NRCAM: variants seen among roughly 807,000 people sequenced by gnomAD.
The protein encoded by NRCAM is NgCAM-related cell adhesion molecule.
Under a neutral mutation model 156.5 loss-of-function variants are expected in NRCAM, and 83 were observed. The observed-to-expected ratio is 0.53, with a 90% CI of 0.44 to 0.64. The LOEUF is 0.64. NRCAM is among the 30% of genes least tolerant of loss of function. The pLI, the probability that NRCAM is intolerant of heterozygous loss-of-function variation, is 0.00. For synonymous variants in NRCAM, 538 were observed against 563.9 expected, an observed-to-expected ratio of 0.95 and a Z score of 0.65; for missense variants, 1,417 against 1,597.3, an observed-to-expected ratio of 0.89 and a Z score of 1.92.
rs2099271132 is a variant in NRCAM at position 108,341,082 on chromosome 7, A to G, written c.-173-28351T>C. Among the ~76,000 whole-genome samples the G allele has an allele frequency of 2.0e-5, 3 of 152,228 alleles. 1 individual carries two copies. In the South Asian group the frequency reaches 6.2e-4, roughly 31 times the overall value. ...GGGCTTGCTTCCAGTGTGGTCTACA[A>G]GGACACTTTAAAAAGATTGTCCAAA... On this transcript the variant is annotated intron_variant, in intron 2 of 32. Coordinates refer to ENST00000379028, the MANE Select transcript of NRCAM (RefSeq NM_001037132.4).
intron 3 of NRCAM, among the ~76,000 whole-genome samples, chr7:108,304,387 T>C (rs2098682925): frequency 9.3e-6 from 1 of 107,134 alleles, no homozygotes; most frequent in Non-Finnish European, 2.0e-5. Flanking sequence ...TGCTATTCCA[T>C]GCTTTTTTTT....
intron 2 of NRCAM, among the ~76,000 whole-genome samples, chr7:108,392,230 T>C (rs2063825023): frequency 6.6e-6 from 1 of 152,220 alleles, no homozygotes; most frequent in Non-Finnish European, 1.5e-5. Context: ...GTAGATTTGG[T>C]CTATTCACAT....
At chr7:108,262,953 T>C (rs1038623784) in intron 3 of NRCAM, among the ~76,000 whole-genome samples, 1 of 152,224 alleles carries the variant, frequency 6.6e-6, no homozygotes, top group Non-Finnish European at 1.5e-5. Context: ...TAGGCAGAAG[T>C]GCAGAAGCTA....
Position 108,195,752 on chromosome 7 carries a change from G to C in NRCAM, c.1463+9C>G, listed in dbSNP as rs758654749. The C allele has an allele frequency of 1.1e-5, 16 of 1,458,986 alleles. 1 individual carries two copies. Among genetic ancestry groups the C allele is most frequent in the Non-Finnish European group, 1.3e-5 (14 of 1,039,228 alleles). The allele number at this position is 1,458,986 out of a possible 1,614,324, so 90.4% of individuals were successfully genotyped here. A position where few individuals can be genotyped will look rare whatever the true frequency, so the allele number is the denominator to read the frequency against. On this transcript the variant is annotated intron_variant, in intron 15 of 32. Transcript: ENST00000379028. ...TAAGTATTGAAAAACACACAGAGCT[G>C]CTACTTACCACTCGATGGTTGGGAG...
At chr7:108,285,351 C>T (rs2098051265) in intron 3 of NRCAM, among the ~76,000 whole-genome samples, 1 of 152,112 alleles carries the variant, frequency 6.6e-6, no homozygotes, top group South Asian at 2.1e-4. Flanking sequence ...TGCATTTATT[C>T]ACAAATACAG....
chr7:108,267,062 T>A (rs1298398903), intron 3 of NRCAM, among the ~76,000 whole-genome samples: 1 of 152,102 alleles, frequency 6.6e-6, no homozygotes, highest in Non-Finnish European at 1.5e-5. Flanking sequence ...AATAGGGTGT[T>A]ATAAAGAGGG....
chr7:108,191,664 T>C, intron 18 of NRCAM, 65 bp downstream of exon 18: 1 of 1,496,728 alleles, frequency 6.7e-7, no homozygotes, highest in Non-Finnish European at 9.0e-7. Flanking sequence ...ATAATTTTTA[T>C]CTTATTTTTT....
chr7:108,291,318 G>A (rs1055031759), intron 3 of NRCAM, among the ~76,000 whole-genome samples: 2 of 152,140 alleles, frequency 1.3e-5, no homozygotes, highest in African/African-American at 4.8e-5. Flanking sequence ...ATGGGAAATA[G>A]AATTAGTTTC....
rs1158603798 is a variant in NRCAM at position 108,198,036 on chromosome 7, T to C, written c.1271A>G (p.Glu424Gly). Residue 424 changes from glutamate to glycine, a missense_variant, in exon 14 of 33, where the codon GAA becomes GGA. This residue lies in a region of NRCAM where 1,238 missense variants were observed against 1,336.4 expected (regional missense o/e 0.93). Coordinates refer to ENST00000379028, the MANE Select transcript of NRCAM (RefSeq NM_001037132.4). The stretch of plus-strand genomic sequence containing the variant: ...GCACTGATAGACTGCACTTGATCTT[T>C]CTTGAACATTTGAAAAAATAATGGT... ...GDTIIFSNVQ[E>G]RSSAVYQCNA... 1 of 1,604,542 alleles carries C rather than the reference T, an allele frequency of 6.2e-7. No individual in the cohort carries two copies.
intron 3 of NRCAM, among the ~76,000 whole-genome samples, chr7:108,295,089 G>A (rs2154132149): frequency 6.6e-6 from 1 of 152,304 alleles, no homozygotes; most frequent in South Asian, 2.1e-4. Context: ...AGATTGTCAA[G>A]TATTTTGCAG....
At chr7:108,158,688 C>A (rs1036339219) in intron 32 of NRCAM, among the ~76,000 whole-genome samples, 1 of 151,972 alleles carries the variant, frequency 6.6e-6, no homozygotes, top group Non-Finnish European at 1.5e-5. Flanking sequence ...AAACAAGGTA[C>A]AAAAGGTATT....
At chr7:108,287,956 T>C (rs1157018994) in intron 3 of NRCAM, among the ~76,000 whole-genome samples, 1 of 152,148 alleles carries the variant, frequency 6.6e-6, no homozygotes, top group Non-Finnish European at 1.5e-5. Context: ...AGCAAAGTTA[T>C]GGAATCAACC....
rs1359486582 is a variant in NRCAM, at chr7:108,147,811, T to C, written c.*2099A>G. The C allele has an allele frequency of 6.6e-6, 1 of 152,610 alleles. No individual in the cohort carries two copies. Among genetic ancestry groups the C allele is most frequent in the Non-Finnish European group, 1.5e-5 (1 of 68,032 alleles). 9.5% of individuals were successfully genotyped at this position (152,610 alleles called of 1,614,324 possible). ...ACCACATTTAATTTTTAATACCAAA[T>C]CTGTTGCACTATTACAGAAGTGACC... On this transcript the variant is annotated 3_prime_UTR_variant, in exon 33 of 33. Transcript: ENST00000379028.
intron 13 of NRCAM, chr7:108,207,268 C>T (rs1401441962): frequency 3.4e-6 from 1 of 298,156 alleles, no homozygotes; most frequent in Non-Finnish European, 6.2e-6. Flanking sequence ...TGTCATTCTT[C>T]CCATTATCCA....
intron 1 of NRCAM, among the ~76,000 whole-genome samples, chr7:108,428,271 A>G (rs945807540): frequency 1.3e-5 from 2 of 152,234 alleles, no homozygotes; most frequent in Non-Finnish European, 2.9e-5. Context: ...CGCTAAAAAT[A>G]AAAAACAGCT....
intron 2 of NRCAM, among the ~76,000 whole-genome samples, chr7:108,322,634 A>G (rs1429917730): frequency 2.0e-5 from 3 of 152,180 alleles, no homozygotes; most frequent in East Asian, 3.9e-4. Context: ...TGCATTATAG[A>G]TATCTCGGTA....
chr7:108,160,131 T>A (rs934206287), intron 31 of NRCAM, among the ~76,000 whole-genome samples: 2 of 152,194 alleles, frequency 1.3e-5, no homozygotes, highest in African/African-American at 4.8e-5. Flanking sequence ...GTAGGCTCAC[T>A]AATGTTTTCA....
At chr7:108,165,053 C>CT (rs1480906675) in intron 30 of NRCAM, among the ~76,000 whole-genome samples, 1 of 152,176 alleles carries the variant, frequency 6.6e-6, no homozygotes, top group Non-Finnish European at 1.5e-5. Flanking sequence ...CTAAACATTT[C>CT]TAACAATTTT....
intron 3 of NRCAM, among the ~76,000 whole-genome samples, chr7:108,284,290 C>A (rs957501153): frequency 1.3e-5 from 2 of 152,202 alleles, no homozygotes; most frequent in African/African-American, 2.4e-5. Flanking sequence ...CTCCTTCTCC[C>A]TCACCGCCTT....
Sources: allele counts gnomAD v4.1 joint callset (sites outside exome capture counted in the v4.1 genomes callset), GRCh38; gene constraint gnomAD v4.1.1; regional missense constraint gnomAD v4.1.1; transcripts MANE v1.5; gene names NCBI Gene and HGNC (gene_info 2026-07-23, HGNC 2026-07-21).